KCNJ6: variants seen among roughly 807,000 people sequenced by gnomAD.
The protein encoded by KCNJ6 is G protein-activated inward rectifier potassium channel 2.
In KCNJ6, 9 loss-of-function variants were observed where a neutral mutation model predicts 34.2. The ratio of observed to expected loss-of-function variants is 0.26; its 90% CI spans 0.16 to 0.46. The LOEUF is 0.46. KCNJ6 is among the 20% of genes least tolerant of loss of function. The probability of loss-of-function intolerance (pLI) is 1.00; values close to 1 mark genes in which losing one functional copy is unlikely to be tolerated. For missense variants in KCNJ6, 236 were observed against 531.3 expected (o/e 0.44, Z 5.46); for synonymous variants, 196 against 207.1 (o/e 0.95, Z 0.46).
At chr21:37,872,485 C>G (rs2055657556) in intron 1 of KCNJ6, among the ~76,000 whole-genome samples, 1 of 152,160 alleles carries the variant, frequency 6.6e-6, no homozygotes, top group Non-Finnish European at 1.5e-5. Context: ...GGAGGTGCAG[C>G]CTACAGGAGG....
chr21:37,667,154 T>TAAAAAAAAAAAAAAAAAAAAAA (rs55953891), intron 3 of KCNJ6, among the ~76,000 whole-genome samples: 6 of 39,068 alleles, frequency 1.5e-4, no homozygotes, highest in Non-Finnish European at 2.2e-4. Context: ...CAATAAATAC[T>TAAAAAAAAAAAAAAAAAAAAAA]AAAAAAAAAA....
chr21:37,809,445 C>T (rs1218743619), intron 2 of KCNJ6, among the ~76,000 whole-genome samples: 3 of 151,792 alleles, frequency 2.0e-5, no homozygotes, highest in Non-Finnish European at 2.9e-5. Flanking sequence ...TTAATGGGTG[C>T]AGCACACCAA....
intron 3 of KCNJ6, among the ~76,000 whole-genome samples, chr21:37,647,050 G>A (rs1037503137): frequency 3.9e-5 from 6 of 152,124 alleles, no homozygotes; most frequent in Non-Finnish European, 7.3e-5. Flanking sequence ...TCAGAGCGAC[G>A]GGGAGGGATG....
chr21:37,884,174 GGCCTATAA>G (rs1490198085), intron 1 of KCNJ6, among the ~76,000 whole-genome samples: 12 of 152,100 alleles, frequency 7.9e-5, no homozygotes, highest in Non-Finnish European at 1.8e-4. Context: ...AGTATGTCTG[GGCCTATAA>G]GCCAGGTGTG....
At chr21:37,873,315 T>A (rs2055661670) in intron 1 of KCNJ6, among the ~76,000 whole-genome samples, 1 of 152,174 alleles carries the variant, frequency 6.6e-6, no homozygotes, top group East Asian at 1.9e-4. Flanking sequence ...TTGCAGTAAA[T>A]CCTCACAGTG....
chr21:37,847,344 G>A (rs542143257), intron 1 of KCNJ6, among the ~76,000 whole-genome samples: 8 of 152,050 alleles, frequency 5.3e-5, no homozygotes, highest in African/African-American at 1.7e-4. Context: ...CAGATCACAC[G>A]GCTGGTGAGG....
rs192224814 is a variant in KCNJ6, at chr21:37,673,796, G to A, written c.946+40415C>T. ...AGATGTGCTGGGCTTTGAAGGATGA[G>A]TAGGAGTTGATCAGGCAAACCAGTG... On this transcript the variant is annotated intron_variant, in intron 3 of 3. Transcript: ENST00000609713. 9.8e-5 allele frequency among the ~76,000 whole-genome samples: 15 copies of A among 152,350 alleles called. No homozygotes were observed. The East Asian group carries it at 2.5e-3, about 25-fold the overall frequency.
At chr21:37,754,529 AAAG>A (rs1413627642) in intron 2 of KCNJ6, among the ~76,000 whole-genome samples, 2 of 152,186 alleles carry the variant, frequency 1.3e-5, no homozygotes, top group Non-Finnish European at 2.9e-5. Context: ...GTTTAAAATG[AAAG>A]AAGAAACGTA....
rs1319433482 is a variant in KCNJ6 at position 37,613,833 on chromosome 21, G to A, written c.*11326C>T. On this transcript the variant is annotated 3_prime_UTR_variant, in exon 4 of 4. Coordinates refer to ENST00000609713, the MANE Select transcript of KCNJ6 (RefSeq NM_002240.5). ...GGACTATCCTGTATGATTCTATAAT[G>A]GTGGATCCATGCCTTTATACATTTG... is the stretch of plus-strand genomic sequence containing the variant. 6.6e-6 allele frequency: 1 copy of A among 152,132 alleles called. No individual in the cohort carries two copies. Among genetic ancestry groups the A allele is most frequent in the African/African-American group, 2.4e-5 (1 of 41,418 alleles). The allele number at this position is 152,132 out of a possible 1,614,324, so 9.4% of individuals were successfully genotyped here.
At chr21:37,882,010 A>C (rs2055711262) in intron 1 of KCNJ6, among the ~76,000 whole-genome samples, 1 of 152,174 alleles carries the variant, frequency 6.6e-6, no homozygotes. Flanking sequence ...TTAGGTAGCA[A>C]GTGCCCTGTC....
intron 2 of KCNJ6, among the ~76,000 whole-genome samples, chr21:37,745,935 C>T (rs1348180599): frequency 6.6e-6 from 1 of 152,212 alleles, no homozygotes; most frequent in Non-Finnish European, 1.5e-5. Flanking sequence ...ACTTTTGTTT[C>T]TCACAGTTCT....
intron 1 of KCNJ6, among the ~76,000 whole-genome samples, chr21:37,907,927 T>A (rs2055849518): frequency 6.6e-6 from 1 of 152,198 alleles, no homozygotes; most frequent in Non-Finnish European, 1.5e-5. Context: ...GTGAAATAAA[T>A]CCTGTCCTCA....
rs933393513 is a variant in KCNJ6, at chr21:37,610,018, AG to A, written c.*15140del. 5.2e-5 allele frequency: 8 copies of A among 152,412 alleles called. No individual in the cohort carries two copies. The highest frequency in any genetic ancestry group is 1.9e-4 in the African/African-American group (8 of 41,570). The allele number at this position is 152,412 out of a possible 1,614,324, so 9.4% of individuals were successfully genotyped here. ...TACCGGGTTTAGTGGTGGTAATGACAGGGGAGCAGGACGTGGTCGGTGGGTG... is the reference window on the plus strand; with the variant it reads ...TACCGGGTTTAGTGGTGGTAATGACAGGGAGCAGGACGTGGTCGGTGGGTG... On this transcript the variant is annotated 3_prime_UTR_variant, in exon 4 of 4. Coordinates refer to ENST00000609713, the MANE Select transcript of KCNJ6 (RefSeq NM_002240.5).
chr21:37,664,165 T>C (rs959446463), intron 3 of KCNJ6, among the ~76,000 whole-genome samples: 1 of 152,028 alleles, frequency 6.6e-6, no homozygotes, highest in Non-Finnish European at 1.5e-5. Context: ...AATTGAACAA[T>C]AGAATAAAAA....
intron 2 of KCNJ6, among the ~76,000 whole-genome samples, chr21:37,825,162 C>T (rs2055392984): frequency 6.6e-6 from 1 of 152,076 alleles, no homozygotes; most frequent in Non-Finnish European, 1.5e-5. Flanking sequence ...GATTTTTGGC[C>T]ATATAAAGTT....
rs1401168270 is a variant in KCNJ6 at position 37,629,090 on chromosome 21, A to ACTGAGTTACTCAGAACTGAACATCT, written c.947-3607_947-3606insAGATGTTCAGTTCTGAGTAACTCAG. On this transcript the variant is annotated intron_variant, in intron 3 of 3. Transcript: ENST00000609713. ...ACACTAGATAGTAACTCAGATGAGAACAGGTGTGTTCAGGGTGGTATGGCC... is the reference window on the plus strand; with the variant it reads ...ACACTAGATAGTAACTCAGATGAGAACTGAGTTACTCAGAACTGAACATCTCAGGTGTGTTCAGGGTGGTATGGCC... Among the ~76,000 whole-genome samples, 6 of 152,206 alleles carry ACTGAGTTACTCAGAACTGAACATCT rather than the reference A, an allele frequency of 3.9e-5. No individual in the cohort carries two copies. In the East Asian group the frequency reaches 9.6e-4, roughly 24 times the overall value.
chr21:37,897,852 T>A (rs1003822842), intron 1 of KCNJ6, among the ~76,000 whole-genome samples: 3 of 152,248 alleles, frequency 2.0e-5, no homozygotes, highest in African/African-American at 7.2e-5. Flanking sequence ...TTGCATCTGT[T>A]TTCCCAAAGT....
intron 2 of KCNJ6, among the ~76,000 whole-genome samples, chr21:37,734,972 G>A (rs1176715094): frequency 1.3e-5 from 2 of 152,078 alleles, no homozygotes; most frequent in African/African-American, 4.8e-5. Context: ...TTGGAGATGG[G>A]CACACCCCCA....
chr21:37,812,763 C>G (rs1432427896), intron 2 of KCNJ6, among the ~76,000 whole-genome samples: 1 of 152,028 alleles, frequency 6.6e-6, no homozygotes, highest in Non-Finnish European at 1.5e-5. Flanking sequence ...AGAAATATAC[C>G]TAGACATAAT....
Sources: allele counts gnomAD v4.1 joint callset (sites outside exome capture counted in the v4.1 genomes callset), GRCh38; gene constraint gnomAD v4.1.1; transcripts MANE v1.5; gene names NCBI Gene and HGNC (gene_info 2026-07-23, HGNC 2026-07-21).